CHM: variants seen among roughly 807,000 people sequenced by gnomAD.
The protein encoded by CHM is rab proteins geranylgeranyltransferase component A 1.
Under a neutral mutation model 49.0 loss-of-function variants are expected in CHM, and 10 were observed. The observed-to-expected ratio is 0.20, with a 90% CI of 0.13 to 0.35. CHM has a LOEUF of 0.35. Ranked by LOEUF, CHM falls within the 10% of genes least tolerant of loss-of-function variation. CHM has a pLI of 1.00. For synonymous variants in CHM, 184 were observed against 167.5 expected, an observed-to-expected ratio of 1.10 and a Z score of -0.76; for missense variants, 455 against 478.4, an observed-to-expected ratio of 0.95 and a Z score of 0.46.
intron 4 of CHM, among the ~76,000 whole-genome samples, chrX:85,975,813 C>T (rs1603267838): frequency 8.9e-6 from 1 of 112,287 alleles, no homozygotes; most frequent in East Asian, 2.8e-4. Flanking sequence ...ACACAAACTC[C>T]ATATCTGCAA....
intron 2 of CHM, among the ~76,000 whole-genome samples, chrX:86,004,417 A>G: frequency 8.9e-6 from 1 of 112,124 alleles, no homozygotes; most frequent in East Asian, 2.8e-4. Flanking sequence ...TAACAATATT[A>G]ACCTCAAATG....
At chrX:86,011,597 G>A (rs1201011010) in intron 2 of CHM, among the ~76,000 whole-genome samples, 1 of 111,815 alleles carries the variant, frequency 8.9e-6, no homozygotes, top group Non-Finnish European at 1.9e-5. Flanking sequence ...GCCCAAGGTG[G>A]TAGACAATGG....
At chrX:85,899,180 A>G (rs1324356147) in intron 11 of CHM, among the ~76,000 whole-genome samples, 3 of 111,654 alleles carry the variant, frequency 2.7e-5, no homozygotes, top group Non-Finnish European at 5.6e-5. Flanking sequence ...CAGAAGGAGA[A>G]CTGGTACCCT....
At position 85,945,184 on chromosome X, in the gene CHM, C is replaced by T. The variant is rs140935129; in HGVS notation, c.1166+10969G>A. ...CTGAGAAACTAGAAAAACTACCTATCAGGTACTATGCTTATTACCTGGCTA... is the reference window on the plus strand; with the variant it reads ...CTGAGAAACTAGAAAAACTACCTATTAGGTACTATGCTTATTACCTGGCTA... On this transcript the variant is annotated intron_variant, in intron 8 of 14. Coordinates refer to ENST00000357749, the MANE Select transcript of CHM (RefSeq NM_000390.4). Among the ~76,000 whole-genome samples the T allele has an allele frequency of 3.4e-3, 373 of 110,686 alleles. 2 individuals are homozygous for T. Among genetic ancestry groups the T allele is most frequent in the Middle Eastern group, 0.014 (3 of 215 alleles).
intron 9 of CHM, among the ~76,000 whole-genome samples, chrX:85,902,832 T>C (rs1441720365): frequency 1.8e-5 from 2 of 111,856 alleles, no homozygotes; most frequent in Admixed American, 1.9e-4. Context: ...CTGTAAGCAC[T>C]GACAAATCTT....
At chrX:85,913,368 G>GAAAGAAAA (rs1927230201) in intron 8 of CHM, among the ~76,000 whole-genome samples, 1 of 87,661 alleles carries the variant, frequency 1.1e-5, no homozygotes, top group South Asian at 5.5e-4. Flanking sequence ...AAGAAAGAAA[G>GAAAGAAAA]AAAGAAAGAA....
At chrX:85,984,578 T>C (rs1931808968) in intron 2 of CHM, among the ~76,000 whole-genome samples, 2 of 111,929 alleles carry the variant, frequency 1.8e-5, no homozygotes, top group South Asian at 7.6e-4. Flanking sequence ...ACCCACCTTA[T>C]GATCGAGTAA....
Position 85,969,383 on chromosome X carries a change from T to C in CHM, c.315-5331A>G, listed in dbSNP as rs765599367. ...TGTGATTTAAGTGTGAATTAATATA[T>C]TGCACCTTTTTATAGTCTGTTCAAG... On this transcript the variant is annotated intron_variant, in intron 4 of 14. Coordinates refer to ENST00000357749, the MANE Select transcript of CHM (RefSeq NM_000390.4). The C allele has an allele frequency of 1.8e-5, 13 of 718,606 alleles. No individual in the cohort carries two copies. In the South Asian group the frequency reaches 5.7e-4, roughly 32 times the overall value. The allele number at this position is 718,606 out of a possible 1,213,427, so 59.2% of individuals were successfully genotyped here.
intron 2 of CHM, among the ~76,000 whole-genome samples, chrX:85,994,724 T>C (rs1394458574): frequency 9.0e-6 from 1 of 111,310 alleles, no homozygotes; most frequent in Non-Finnish European, 1.9e-5. Flanking sequence ...CCAATGGTTG[T>C]AGGGATAGTT....
At chrX:85,995,260 TAAAAAAAAAAA>T (rs55742394) in intron 2 of CHM, among the ~76,000 whole-genome samples, 10 of 46,812 alleles carry the variant, frequency 2.1e-4, no homozygotes, top group South Asian at 2.5e-3. Flanking sequence ...CCTTATTACT[TAAAAAAAAAAA>T]AAAAAAAAAA....
At chrX:86,023,210 A>G (rs1933674773) in intron 2 of CHM, among the ~76,000 whole-genome samples, 1 of 111,399 alleles carries the variant, frequency 9.0e-6, no homozygotes, top group Admixed American at 9.6e-5. Flanking sequence ...TTTAATATCT[A>G]TAAGATAAAG....
chrX:86,026,644 G>C lies in CHM; in HGVS notation c.116+847C>G, dbSNP rs41312564. ...AGAATATGCTTTCAAAATGAATTTA[G>C]AACAGGTTAAAAGAAGATTAACTCA... On this transcript the variant is annotated intron_variant, in intron 2 of 14. Transcript: ENST00000357749. Among the ~76,000 whole-genome samples, 3 of 111,979 alleles carry C rather than the reference G, an allele frequency of 2.7e-5. No homozygotes were observed. The East Asian group carries it at 8.4e-4, about 31-fold the overall frequency.
chrX:85,927,584 T>C (rs1424114708), intron 8 of CHM, among the ~76,000 whole-genome samples: 1 of 112,436 alleles, frequency 8.9e-6, no homozygotes, highest in Non-Finnish European at 1.9e-5. Flanking sequence ...CAGTATATTA[T>C]TCAGATAATT....
chrX:85,884,017 A>G (rs1429167161), intron 12 of CHM, among the ~76,000 whole-genome samples: 1 of 111,284 alleles, frequency 9.0e-6, no homozygotes, highest in Non-Finnish European at 1.9e-5. Flanking sequence ...GTTCATTTAC[A>G]AATGACTTTA....
chrX:86,012,471 C>A (rs10449031), intron 2 of CHM, among the ~76,000 whole-genome samples: 29,193 of 110,277 alleles, frequency 0.26, 3,415 homozygotes, highest in Admixed American at 0.38. Flanking sequence ...GATTCCAGGC[C>A]TCTTTCAACT....
intron 4 of CHM, 113 bp from the exon 5 acceptor site, chrX:85,964,165 G>A (rs889705796): frequency 1.6e-5 from 10 of 613,930 alleles, no homozygotes; most frequent in South Asian, 3.3e-5. Flanking sequence ...ACATTCATCT[G>A]TTAATGTTTC....
intron 8 of CHM, among the ~76,000 whole-genome samples, chrX:85,948,370 G>A (rs899237421): frequency 2.7e-5 from 3 of 111,873 alleles, no homozygotes; most frequent in Non-Finnish European, 5.6e-5. Flanking sequence ...AAGCTTGCTA[G>A]ACTAGAAAAA....
At position 86,027,548 on chromosome X, in the gene CHM, T is replaced by G. The variant is rs1933880766; in HGVS notation, c.59A>C (p.Glu20Ala). ...TGAACATGCAGCTGCAATGATGGATTCAGGCAAACCTACAAAAACACACAC... is the reference window on the plus strand; with the variant it reads ...TGAACATGCAGCTGCAATGATGGATGCAGGCAAACCTACAAAAACACACAC... ...DVIVIGTGLP[E>A]SIIAAACSRS... is the part of the protein sequence containing the mutation. The change falls in exon 2 of 15, where the codon GAA becomes GCA. Residue 20 changes from glutamate (E) to alanine (A), a missense_variant. Physicochemically the swap from Glu to Ala is moderately radical, Grantham distance 107. Transcript: ENST00000357749. The G allele has an allele frequency of 8.3e-7, 1 of 1,206,878 alleles. No homozygotes were observed. Among genetic ancestry groups the G allele is most frequent in the Non-Finnish European group, 1.1e-6 (1 of 891,136 alleles).
intron 2 of CHM, 150 bp from the exon 3 acceptor site, chrX:85,981,959 G>T: frequency 2.0e-6 from 1 of 488,824 alleles, no homozygotes. Context: ...ATAATTGGAA[G>T]GCTCACATAA....
Sources: allele counts gnomAD v4.1 joint callset (sites outside exome capture counted in the v4.1 genomes callset), GRCh38; gene constraint gnomAD v4.1.1; transcripts MANE v1.5; gene names NCBI Gene and HGNC (gene_info 2026-07-23, HGNC 2026-07-21).